Variants in STAC observed in about 807,000 individuals in gnomAD.
The protein encoded by STAC is SH3 and cysteine-rich domain-containing protein.
In STAC, 43 loss-of-function variants were observed where a neutral mutation model predicts 48.8. The observed-to-expected ratio is 0.88, with a 90% CI of 0.69 to 1.14. STAC has a LOEUF of 1.14. STAC is among the 50% of genes most tolerant of loss of function. The probability of loss-of-function intolerance (pLI) is 0.00; values close to 1 mark genes in which losing one functional copy is unlikely to be tolerated. For synonymous variants in STAC, 193 were observed against 179.5 expected (o/e 1.07, Z -0.60); for missense variants, 497 against 504.0 (o/e 0.99, Z 0.13).
At chr3:36,465,163 G>A (rs1353867484) in intron 2 of STAC, among the ~76,000 whole-genome samples, 1 of 152,152 alleles carries the variant, frequency 6.6e-6, no homozygotes, top group Non-Finnish European at 1.5e-5. Flanking sequence ...TCTTGCAGGA[G>A]TGAGGTGGTA....
At chr3:36,504,372 G>A (rs1361284167) in intron 6 of STAC, 21 bp from the exon 7 acceptor site, 1 of 1,609,450 alleles carries the variant, frequency 6.2e-7, no homozygotes, top group Non-Finnish European at 8.5e-7. Context: ...TAGAGCACCT[G>A]CTTTCTCTTG....
intron 2 of STAC, among the ~76,000 whole-genome samples, chr3:36,446,343 C>G (rs1696508712): frequency 6.6e-6 from 1 of 152,180 alleles, no homozygotes; most frequent in African/African-American, 2.4e-5. Context: ...AGCTTCAATG[C>G]TGAATGCCCC....
intron 8 of STAC, among the ~76,000 whole-genome samples, chr3:36,508,693 A>G (rs373505135): frequency 7.9e-5 from 12 of 151,666 alleles, no homozygotes; most frequent in African/African-American, 2.4e-4. Flanking sequence ...GTCTTTTTTG[A>G]TCTTTGTTGG....
chr3:36,507,302 G>A (rs540174971), intron 8 of STAC, among the ~76,000 whole-genome samples: 1 of 152,300 alleles, frequency 6.6e-6, no homozygotes, highest in South Asian at 2.1e-4. Context: ...TTTTTGTCGT[G>A]CTGCTGGATT....
At chr3:36,518,137 T>C (rs1256127968) in intron 8 of STAC, among the ~76,000 whole-genome samples, 1 of 152,202 alleles carries the variant, frequency 6.6e-6, no homozygotes, top group Non-Finnish European at 1.5e-5. Context: ...AACTTTTCAA[T>C]CAACAATGAC....
At chr3:36,489,018 G>A (rs1697893823) in intron 5 of STAC, among the ~76,000 whole-genome samples, 1 of 152,018 alleles carries the variant, frequency 6.6e-6, no homozygotes, top group Non-Finnish European at 1.5e-5. Context: ...TTGCTCCACC[G>A]AGTTGAAATT....
intron 10 of STAC, 99 bp from the exon 11 acceptor site, chr3:36,546,092 G>T (rs953740731): frequency 1.1e-6 from 1 of 924,546 alleles, no homozygotes; most frequent in Non-Finnish European, 1.7e-6. Context: ...CCAGTTTGTT[G>T]CTCCTGCAAC....
chr3:36,442,894 C>G (rs1309246790), intron 1 of STAC, among the ~76,000 whole-genome samples: 1 of 151,970 alleles, frequency 6.6e-6, no homozygotes, highest in Non-Finnish European at 1.5e-5. Context: ...GATTTTGAGC[C>G]AGACAATAGA....
chr3:36,524,160 G>A (rs1698872241), intron 8 of STAC, among the ~76,000 whole-genome samples: 1 of 152,130 alleles, frequency 6.6e-6, no homozygotes, highest in African/African-American at 2.4e-5. Context: ...GGACATTAGG[G>A]GTGGTACAGA....
chr3:36,477,113 T>C (rs1267632497), intron 2 of STAC, among the ~76,000 whole-genome samples: 4 of 152,186 alleles, frequency 2.6e-5, no homozygotes, highest in Non-Finnish European at 5.9e-5. Flanking sequence ...TTTTCTTAAA[T>C]CATAGTAAAG....
intron 1 of STAC, among the ~76,000 whole-genome samples, chr3:36,384,547 A>C (rs1029769399): frequency 6.6e-6 from 1 of 152,190 alleles, no homozygotes; most frequent in Non-Finnish European, 1.5e-5. Flanking sequence ...CCACCAGCCA[A>C]CCCCAAATGT....
chr3:36,499,375 G>A (rs560790924), intron 6 of STAC, among the ~76,000 whole-genome samples: 6 of 152,176 alleles, frequency 3.9e-5, no homozygotes, highest in East Asian at 1.9e-4. Context: ...CTTGGGAGGC[G>A]ATTAAATATA....
chr3:36,415,904 A>G (rs1466165979), intron 1 of STAC, among the ~76,000 whole-genome samples: 1 of 152,250 alleles, frequency 6.6e-6, no homozygotes, highest in East Asian at 1.9e-4. Flanking sequence ...ATTCAATTCC[A>G]TTGATATATA....
intron 1 of STAC, among the ~76,000 whole-genome samples, chr3:36,437,963 T>C (rs1050393070): frequency 8.0e-5 from 12 of 149,480 alleles, no homozygotes; most frequent in Non-Finnish European, 1.5e-4. Context: ...TTATTATTAT[T>C]ATTTAGATGA....
intron 1 of STAC, among the ~76,000 whole-genome samples, chr3:36,435,291 T>C (rs1024377692): frequency 6.6e-6 from 1 of 152,092 alleles, no homozygotes; most frequent in African/African-American, 2.4e-5. Context: ...TTTCTCTTTA[T>C]TCACTGAGAA....
chr3:36,520,997 AT>A (rs1479484657), intron 8 of STAC, among the ~76,000 whole-genome samples: 2 of 152,138 alleles, frequency 1.3e-5, no homozygotes, highest in African/African-American at 2.4e-5. Context: ...TTACATACCC[AT>A]GTGCCAAGAC....
chr3:36,542,933 A>G (rs1288247786), intron 10 of STAC, among the ~76,000 whole-genome samples: 1 of 152,216 alleles, frequency 6.6e-6, no homozygotes, highest in African/African-American at 2.4e-5. Flanking sequence ...TGAATGAGTG[A>G]ATAAATAAGG....
chr3:36,493,229 G>A lies in STAC; in HGVS notation c.766G>A (p.Val256Met), dbSNP rs200833452. The change falls in exon 6 of 11, where the codon GTG becomes ATG. Residue 256 changes from valine (V) to methionine (M), a missense_variant and splice_region_variant. Val to Met is a conservative substitution (Grantham distance 21). Coordinates refer to ENST00000273183, the MANE Select transcript of STAC (RefSeq NM_003149.3). ...TGACCTAAGGAAACGCAGCAACAGC[G>A]GTGAGTGAGGGAGTTGGCACAGCAC... ...GYDLRKRSNS[V>M]FTYPENGTDD... 37 of 1,612,790 alleles carry A rather than the reference G, an allele frequency of 2.3e-5. No individual in the cohort carries two copies. The highest frequency in any genetic ancestry group is 3.3e-5 in the Admixed American group (2 of 59,970).
chr3:36,519,309 C>T (rs929082617), intron 8 of STAC, among the ~76,000 whole-genome samples: 1 of 152,198 alleles, frequency 6.6e-6, no homozygotes, highest in African/African-American at 2.4e-5. Flanking sequence ...TGAATGGACG[C>T]TTGGCTGTTT....
Sources: gnomAD v4.1 joint callset for allele counts (sites outside exome capture counted in the v4.1 genomes callset) on GRCh38, gnomAD v4.1.1 for gene constraint, MANE v1.5 for transcripts, NCBI Gene and HGNC (gene_info 2026-07-23, HGNC 2026-07-21) for gene names.